Variants in CHRAC1 observed in about 807,000 individuals in gnomAD.
CHRAC1 encodes chromatin accessibility complex subunit 1, also known as chromatin accessibility complex protein 1.
In CHRAC1, 6 loss-of-function variants were observed where a neutral mutation model predicts 9.1. That is an observed-to-expected ratio of 0.66 (90% CI 0.36 to 1.29). The LOEUF is 1.29. CHRAC1 is among the 50% of genes most tolerant of loss of function. The pLI is 0.03. For missense variants in CHRAC1, 168 were observed against 163.5 expected, an observed-to-expected ratio of 1.03 and a Z score of -0.15; for synonymous variants, 73 against 64.5, an observed-to-expected ratio of 1.13 and a Z score of -0.63.
Position 140,511,901 on chromosome 8 carries a change from G to A in CHRAC1, c.147+255G>A, listed in dbSNP as rs764109292. The A allele has an allele frequency of 3.5e-6, 3 of 861,166 alleles. No homozygotes were observed. The South Asian group carries it at 4.7e-5, about 13-fold the overall frequency. The allele number at this position is 861,166 out of a possible 1,614,324, so 53.3% of individuals were successfully genotyped here. On this transcript the variant is annotated intron_variant, in intron 1 of 2. Coordinates refer to ENST00000220913, the MANE Select transcript of CHRAC1 (RefSeq NM_017444.6). ...CTCCAGTTTCTTCGCCTCGCCTACC[G>A]CGCGCCTCTCCCGCCCTTTGTCGCC...
intron 1 of CHRAC1, 149 bp downstream of exon 1, chr8:140,511,795 G>T: frequency 1.2e-6 from 1 of 862,284 alleles, no homozygotes; most frequent in East Asian, 4.3e-5. Context: ...GTCCCACGCC[G>T]GCGCGCGCTT....
chr8:140,511,862 C>G, intron 1 of CHRAC1: 1 of 749,832 alleles, frequency 1.3e-6, no homozygotes, highest in Non-Finnish European at 2.1e-6. Flanking sequence ...CACCCCTCGC[C>G]GCTCCCTCAC....
At chr8:140,511,762 C>T (rs2072277765) in intron 1 of CHRAC1, 116 bp downstream of exon 1, 17 of 975,704 alleles carry the variant, frequency 1.7e-5, no homozygotes, top group Middle Eastern at 3.7e-4. Context: ...TCTTGCCGGG[C>T]TCGCGCGCGC....
At position 140,511,385 on chromosome 8, in the gene CHRAC1, T is replaced by A. The variant is rs988696087; in HGVS notation, c.-115T>A. ...GCCTCGCGGCCTCGCCTCCCCACAC[T>A]ACAACTCCCACGGGGCAGCGGGCGC... is the stretch of plus-strand genomic sequence containing the variant. On this transcript the variant is annotated 5_prime_UTR_variant, in exon 1 of 3. Coordinates refer to ENST00000220913, the MANE Select transcript of CHRAC1 (RefSeq NM_017444.6). 5 of 1,013,102 alleles carry A rather than the reference T, an allele frequency of 4.9e-6. No individual in the cohort carries two copies. The highest frequency in any genetic ancestry group is 6.5e-6 in the Non-Finnish European group (5 of 772,590). 62.8% of individuals were successfully genotyped at this position (1,013,102 alleles called of 1,614,324 possible).
In CHRAC1 at chr8:140,511,550, C is replaced by T. The variant is rs766045284; in HGVS notation, c.51C>T (p.Ile17=). 6 of 1,440,182 alleles carry T rather than the reference C, an allele frequency of 4.2e-6. No individual in the cohort carries two copies. The highest frequency in any genetic ancestry group is 5.5e-6 in the Non-Finnish European group (6 of 1,088,650). The allele number at this position is 1,440,182 out of a possible 1,614,324, so 89.2% of individuals were successfully genotyped here. Reference sequence around the variant, plus strand: ...ACAAGGGCGGGGAGCAGCGGCTCATCTCGCTGCCTCTATCCCGCATCCGGG... The same window carrying T: ...ACAAGGGCGGGGAGCAGCGGCTCATTTCGCTGCCTCTATCCCGCATCCGGG... ...GKDKGGEQRL[I]SLPLSRIRVI... is the part of the protein sequence containing the mutation. Residue 17 remains isoleucine (I), a synonymous_variant, in exon 1 of 3, where the codon ATC becomes ATT. Coordinates refer to ENST00000220913, the MANE Select transcript of CHRAC1 (RefSeq NM_017444.6).
chr8:140,512,023 C>G (rs1343503719), intron 1 of CHRAC1: 5 of 1,283,632 alleles, frequency 3.9e-6, no homozygotes, highest in Non-Finnish European at 5.1e-6. Context: ...ATTCGGCAAA[C>G]CCGTAAGCTC....
intron 2 of CHRAC1, 142 bp downstream of exon 2, chr8:140,514,637 C>G (rs912461979): frequency 5.1e-6 from 3 of 584,108 alleles, no homozygotes; most frequent in Non-Finnish European, 8.5e-6. Context: ...TGAGTTGTCA[C>G]AGGAAGATAC....
rs993422849 is a variant in CHRAC1 at position 140,516,982 on chromosome 8, C to A, written c.*1735C>A. 3 of 152,168 alleles carry A rather than the reference C, an allele frequency of 2.0e-5. No homozygotes were observed. Among genetic ancestry groups the A allele is most frequent in the African/African-American group, 4.8e-5 (2 of 41,430 alleles). The allele number at this position is 152,168 out of a possible 1,614,324, so 9.4% of individuals were successfully genotyped here. On this transcript the variant is annotated 3_prime_UTR_variant, in exon 3 of 3. Coordinates refer to ENST00000220913, the MANE Select transcript of CHRAC1 (RefSeq NM_017444.6). ...TAGCACGAAAGCAGCCAGGTAATTA[C>A]TAGATGAAGGAATGCAGGTGGCTGT...
intron 1 of CHRAC1, chr8:140,512,136 A>C (rs1588416732): frequency 2.1e-5 from 14 of 672,922 alleles, no homozygotes; most frequent in Non-Finnish European, 2.9e-5. Context: ...GTCGGCGCCT[A>C]GTGGCGCTCT....
rs777561866 is a variant in CHRAC1, at chr8:140,511,490, G to A, written c.-10G>A. The A allele has an allele frequency of 6.1e-6, 8 of 1,314,876 alleles. No homozygotes were observed. In the African/African-American group the frequency reaches 1.1e-4, roughly 18 times the overall value. The allele number at this position is 1,314,876 out of a possible 1,614,324, so 81.5% of individuals were successfully genotyped here. ...CGCCGGCTGCGGGCACCCGCGCGACGGGCGGGAAGATGGCGGACGTGGTCG... is the reference window on the plus strand; with the variant it reads ...CGCCGGCTGCGGGCACCCGCGCGACAGGCGGGAAGATGGCGGACGTGGTCG... On this transcript the variant is annotated 5_prime_UTR_variant, in exon 1 of 3. Coordinates refer to ENST00000220913, the MANE Select transcript of CHRAC1 (RefSeq NM_017444.6).
Position 140,511,596 on chromosome 8 carries a change from G to C in CHRAC1, c.97G>C (p.Glu33Gln), listed in dbSNP as rs1034947654. 6 of 1,490,060 alleles carry C rather than the reference G, an allele frequency of 4.0e-6. No homozygotes were observed. The highest frequency in any genetic ancestry group is 5.4e-6 in the Non-Finnish European group (6 of 1,114,418). 92.3% of individuals were successfully genotyped at this position (1,490,060 alleles called of 1,614,324 possible). A position where few individuals can be genotyped will look rare whatever the true frequency, so the allele number is the denominator to read the frequency against. ...CCGGGTCATCATGAAGAGCTCCCCC[G>C]AGGTGTCCAGCATCAACCAGGAGGC... ...RIRVIMKSSP[E>Q]VSSINQEALV... is the part of the protein sequence containing the mutation. The change falls in exon 1 of 3, where the codon GAG (glutamate) becomes CAG (glutamine). Residue 33 changes from glutamate (E) to glutamine (Q), a missense_variant. Physicochemically the swap from Glu to Gln is conservative, Grantham distance 29. Coordinates refer to ENST00000220913, the MANE Select transcript of CHRAC1 (RefSeq NM_017444.6).
At position 140,515,830 on chromosome 8, in the gene CHRAC1, A is replaced by G. The variant is rs1481107041; in HGVS notation, c.*583A>G. ...TATGGAACTAGTTTTAGAGCCCTCT[A>G]TGGCTTTAAGGCCTTGCTTACTGCC... On this transcript the variant is annotated 3_prime_UTR_variant, in exon 3 of 3. Transcript: ENST00000220913. 2 of 152,342 alleles carry G rather than the reference A, an allele frequency of 1.3e-5. No individual in the cohort carries two copies. Among genetic ancestry groups the G allele is most frequent in the African/African-American group, 2.4e-5 (1 of 41,584 alleles). 9.4% of individuals were successfully genotyped at this position (152,342 alleles called of 1,614,324 possible). A position where few individuals can be genotyped will look rare whatever the true frequency, so the allele number is the denominator to read the frequency against.
rs2132817170 is a variant in CHRAC1 at position 140,515,464 on chromosome 8, C to G, written c.*217C>G. 2 of 378,458 alleles carry G rather than the reference C, an allele frequency of 5.3e-6. No individual in the cohort carries two copies. Among genetic ancestry groups the G allele is most frequent in the South Asian group, 6.2e-5 (1 of 16,098 alleles). 23.4% of individuals were successfully genotyped at this position (378,458 alleles called of 1,614,324 possible). On this transcript the variant is annotated 3_prime_UTR_variant, in exon 3 of 3. Coordinates refer to ENST00000220913, the MANE Select transcript of CHRAC1 (RefSeq NM_017444.6). The stretch of plus-strand genomic sequence containing the variant: ...AGGGAAAGCGACCCAGACAGCAGCC[C>G]CTCCTCGACAGGCCCACCCTGCAGC...
chr8:140,512,143 C>T (rs2072283501), intron 1 of CHRAC1: 1 of 632,090 alleles, frequency 1.6e-6, no homozygotes, highest in Non-Finnish European at 2.4e-6. Context: ...CCTAGTGGCG[C>T]TCTTCTCATT....
intron 2 of CHRAC1, 77 bp from the exon 3 acceptor site, chr8:140,515,049 A>C: frequency 7.2e-7 from 1 of 1,387,364 alleles, no homozygotes; most frequent in Non-Finnish European, 1.0e-6. Flanking sequence ...AGCAGGAACT[A>C]GTACATTTTG....
intron 1 of CHRAC1, chr8:140,512,116 A>G: frequency 2.1e-6 from 2 of 946,250 alleles, no homozygotes; most frequent in Non-Finnish European, 2.9e-6. Context: ...TTCCGGCCCT[A>G]CCCGTGGGCG....
At chr8:140,514,737 G>C (rs896038275) in intron 2 of CHRAC1, 3 of 399,332 alleles carry the variant, frequency 7.5e-6, no homozygotes, top group South Asian at 6.6e-5. Flanking sequence ...TTGGTTGGCC[G>C]CGTATGCTGG....
At chr8:140,512,010 T>C (rs1021430443) in intron 1 of CHRAC1, 3 of 1,289,940 alleles carry the variant, frequency 2.3e-6, no homozygotes, top group Non-Finnish European at 3.0e-6. Context: ...CTCTCGCGCT[T>C]CCATTCGGCA....
At chr8:140,512,980 C>T (rs1259117312) in intron 1 of CHRAC1, among the ~76,000 whole-genome samples, 3 of 152,080 alleles carry the variant, frequency 2.0e-5, no homozygotes, top group Admixed American at 1.3e-4. Context: ...TCACACTCGG[C>T]TAATTTTTGT....
Sources: allele counts gnomAD v4.1 joint callset (sites outside exome capture counted in the v4.1 genomes callset), GRCh38; gene constraint gnomAD v4.1.1; transcripts MANE v1.5; gene names NCBI Gene and HGNC (gene_info 2026-07-23, HGNC 2026-07-21).